Variants in PRMT8 observed in about 807,000 individuals in gnomAD.
PRMT8 encodes the protein protein arginine N-methyltransferase 8.
A neutral mutation model predicts 47.1 loss-of-function variants in PRMT8; 7 were observed. The observed-to-expected ratio is 0.15, with a 90% CI of 0.08 to 0.28. PRMT8 has a LOEUF of 0.28. PRMT8 is among the 10% of genes least tolerant of loss of function. The pLI is 1.00. For missense variants in PRMT8, 237 were observed against 505.4 expected, an observed-to-expected ratio of 0.47 and a Z score of 5.09; for synonymous variants, 188 against 186.5, an observed-to-expected ratio of 1.01 and a Z score of -0.07.
chr12:3,583,300 G>C lies in PRMT8; in HGVS notation c.979+92G>C. On this transcript the variant is annotated intron_variant, in intron 8 of 9. Transcript: ENST00000382622. This position sits in a 1 kb window ranked among gnomAD's most constrained non-coding sequence, Gnocchi z 4.7. ...ACCAGAGCTGGCCTTGACTTGGGGAGAAGGGGCTGGGTGTTAGCTGGGTGA... is the reference window on the plus strand; with the variant it reads ...ACCAGAGCTGGCCTTGACTTGGGGACAAGGGGCTGGGTGTTAGCTGGGTGA... The C allele has an allele frequency of 1.4e-6, 2 of 1,401,344 alleles. No homozygotes were observed. Among genetic ancestry groups the C allele is most frequent in the Non-Finnish European group, 1.9e-6 (2 of 1,038,078 alleles). The allele number at this position is 1,401,344 out of a possible 1,614,324, so 86.8% of individuals were successfully genotyped here. A position where few individuals can be genotyped will look rare whatever the true frequency, so the allele number is the denominator to read the frequency against.
chr12:3,540,164 G>A (rs1178479191), intron 1 of PRMT8, among the ~76,000 whole-genome samples: 1 of 152,196 alleles, frequency 6.6e-6, no homozygotes, highest in Non-Finnish European at 1.5e-5. Flanking sequence ...AAGTTCATAA[G>A]TTTGCCCAAA....
intron 1 of PRMT8, among the ~76,000 whole-genome samples, chr12:3,485,040 G>C (rs1865309516): frequency 2.0e-5 from 3 of 152,194 alleles, no homozygotes; most frequent in Non-Finnish European, 4.4e-5. Context: ...CCTCAGGCCT[G>C]AGTGTCCTTT....
chr12:3,421,574 T>C (rs896326501), intron 1 of PRMT8, among the ~76,000 whole-genome samples: 4 of 152,188 alleles, frequency 2.6e-5, no homozygotes, highest in African/African-American at 9.6e-5. Context: ...CATATCCCAT[T>C]ACCCAAATGC....
chr12:3,540,080 A>G (rs968494217), intron 1 of PRMT8, among the ~76,000 whole-genome samples: 2 of 152,136 alleles, frequency 1.3e-5, no homozygotes, highest in Admixed American at 6.5e-5. Flanking sequence ...AAACTTGTCT[A>G]ATCCTCAGGA....
chr12:3,491,280 G>T lies in PRMT8; in HGVS notation c.-346G>T. 8.9e-7 allele frequency: 1 copy of T among 1,123,068 alleles called. No individual in the cohort carries two copies. Among genetic ancestry groups the T allele is most frequent in the Non-Finnish European group, 1.1e-6 (1 of 916,042 alleles). 69.6% of individuals were successfully genotyped at this position (1,123,068 alleles called of 1,614,324 possible). A position where few individuals can be genotyped will look rare whatever the true frequency, so the allele number is the denominator to read the frequency against. On this transcript the variant is annotated 5_prime_UTR_variant, in exon 1 of 10. Coordinates refer to ENST00000382622, the MANE Select transcript of PRMT8 (RefSeq NM_019854.5). ...CCGGCCGGACTTTGCGAGCAGCCTG[G>T]AGAGGATCCGCGACCGCCGCCGCCG...
At chr12:3,472,503 C>T (rs1392700993) in intron 1 of PRMT8, among the ~76,000 whole-genome samples, 1 of 152,224 alleles carries the variant, frequency 6.6e-6, no homozygotes, top group Admixed American at 6.5e-5. Context: ...CGCTTGCAAG[C>T]TGTGTGACAT....
upstream of PRMT8, among the ~76,000 whole-genome samples, chr12:3,489,956 T>C (rs918616964): frequency 9.2e-5 from 14 of 152,140 alleles, no homozygotes; most frequent in Non-Finnish European, 1.6e-4. Context: ...TATCCTCTCT[T>C]TGCCCGAGGA....
At chr12:3,528,757 T>C (rs1865982266) in intron 1 of PRMT8, among the ~76,000 whole-genome samples, 2 of 152,210 alleles carry the variant, frequency 1.3e-5, no homozygotes, top group African/African-American at 4.8e-5. Context: ...GGGTGATGGA[T>C]ATTTTTAGAT....
At chr12:3,404,207 A>G in intron 1 of PRMT8, among the ~76,000 whole-genome samples, 1 of 152,150 alleles carries the variant, frequency 6.6e-6, no homozygotes, top group East Asian at 1.9e-4. Flanking sequence ...TCCTGTTCAG[A>G]AGTTATACTT....
intron 1 of PRMT8, among the ~76,000 whole-genome samples, chr12:3,382,180 G>T (rs963724841): frequency 2.0e-5 from 3 of 152,194 alleles, no homozygotes; most frequent in African/African-American, 7.2e-5. Context: ...TAGGAATAAA[G>T]GTGCTATGAA....
intron 1 of PRMT8, among the ~76,000 whole-genome samples, chr12:3,433,832 G>A (rs571746602): frequency 1.3e-5 from 2 of 152,114 alleles, no homozygotes; most frequent in African/African-American, 2.4e-5. Flanking sequence ...GGCTGGTCTC[G>A]AACTCAGGTG....
At position 3,583,224 on chromosome 12, in the gene PRMT8, C is replaced by T. The variant is rs778460921; in HGVS notation, c.979+16C>T. On this transcript the variant is annotated intron_variant, in intron 8 of 9. Transcript: ENST00000382622. The surrounding 1 kb of genome is among the most constrained non-coding windows in gnomAD (Gnocchi z 4.7). ...TTTTCCACAGGTGAGCTGTTTGTTG[C>T]TTCCCAGAGCCTCCTCCCTCTCCCA... 2 of 1,601,152 alleles carry T rather than the reference C, an allele frequency of 1.2e-6. No homozygotes were observed. The highest frequency in any genetic ancestry group is 2.3e-5 in the South Asian group (2 of 88,646).
chr12:3,400,233 GA>G (rs1174251166), intron 1 of PRMT8, among the ~76,000 whole-genome samples: 1 of 151,770 alleles, frequency 6.6e-6, no homozygotes, highest in South Asian at 2.1e-4. Context: ...CTCTTGTTTT[GA>G]AAAAAATTAC....
Position 3,593,496 on chromosome 12 carries a change from C to T in PRMT8, c.*314C>T, listed in dbSNP as rs963021957. 5.6e-6 allele frequency: 2 copies of T among 354,406 alleles called. No homozygotes were observed. Among genetic ancestry groups the T allele is most frequent in the Non-Finnish European group, 1.0e-5 (2 of 192,840 alleles). The allele number at this position is 354,406 out of a possible 1,614,324, so 22.0% of individuals were successfully genotyped here. ...CTCCCCGTCTCCTCCTTAACTGTGACTCTCCGGGTCTTCTGAGTTTTGCAT... is the reference window on the plus strand; with the variant it reads ...CTCCCCGTCTCCTCCTTAACTGTGATTCTCCGGGTCTTCTGAGTTTTGCAT... On this transcript the variant is annotated 3_prime_UTR_variant, in exon 10 of 10. Transcript: ENST00000382622. The surrounding 1 kb of genome is among the most constrained non-coding windows in gnomAD (Gnocchi z 4.8).
At chr12:3,484,631 G>C (rs1865305365) in intron 1 of PRMT8, among the ~76,000 whole-genome samples, 1 of 152,242 alleles carries the variant, frequency 6.6e-6, no homozygotes, top group Non-Finnish European at 1.5e-5. Context: ...TCACCATTAA[G>C]CTGTTTGTAC....
intron 1 of PRMT8, among the ~76,000 whole-genome samples, chr12:3,457,317 T>C (rs1370916133): frequency 2.6e-5 from 4 of 152,196 alleles, no homozygotes; most frequent in African/African-American, 9.7e-5. Context: ...TATTTTTTTT[T>C]CTGTCTTTTA....
chr12:3,488,828 CATAAG>C (rs1242261718), upstream of PRMT8, among the ~76,000 whole-genome samples: 3 of 152,200 alleles, frequency 2.0e-5, no homozygotes, highest in Non-Finnish European at 2.9e-5. Context: ...TTTTCACAAT[CATAAG>C]ATGTGAATGT....
At chr12:3,526,651 G>C (rs1391850665) in intron 1 of PRMT8, among the ~76,000 whole-genome samples, 3 of 151,988 alleles carry the variant, frequency 2.0e-5, no homozygotes, top group African/African-American at 4.8e-5. Context: ...ATATTTTGTG[G>C]CTCTTTCATT....
At chr12:3,438,709 C>T (rs1864770087) in intron 1 of PRMT8, among the ~76,000 whole-genome samples, 1 of 152,142 alleles carries the variant, frequency 6.6e-6, no homozygotes, top group South Asian at 2.1e-4. Context: ...CTTTCTAGGT[C>T]AGTAGTTCGA....
Sources: gnomAD v4.1 joint callset for allele counts (sites outside exome capture counted in the v4.1 genomes callset) on GRCh38, gnomAD v4.1.1 for gene constraint, Gnocchi (gnomAD v3.1) non-coding constraint, MANE v1.5 for transcripts, NCBI Gene and HGNC (gene_info 2026-07-23, HGNC 2026-07-21) for gene names.